The following STK3 variants were observed in gnomAD, a reference collection of about 807,000 sequenced individuals.
STK3 encodes the protein serine/threonine kinase 3, also known as serine/threonine-protein kinase 3.
STK3 carries 41 observed loss-of-function variants against 58.0 expected under a neutral mutation model. The observed-to-expected ratio is 0.71, with a 90% confidence interval of 0.55 to 0.92. STK3 has a LOEUF of 0.92. Ranked by LOEUF, STK3 falls within the 40% of genes least tolerant of loss-of-function variation. The pLI is 0.00. For missense variants in STK3, 479 were observed against 602.7 expected (o/e 0.79, Z 2.15); for synonymous variants, 170 against 191.0 (o/e 0.89, Z 0.91).
At chr8:98,528,746 C>G (rs1228696222) in intron 9 of STK3, among the ~76,000 whole-genome samples, 1 of 152,086 alleles carries the variant, frequency 6.6e-6, no homozygotes, top group Non-Finnish European at 1.5e-5. Flanking sequence ...CACCTCCCCA[C>G]AAGGGACCCT....
chr8:98,568,087 A>C (rs752970764), intron 8 of STK3, among the ~76,000 whole-genome samples: 1 of 151,972 alleles, frequency 6.6e-6, no homozygotes, highest in Non-Finnish European at 1.5e-5. Context: ...ATAGATAGAT[A>C]GATAGATAGA....
At chr8:98,427,448 G>T (rs1381232021) in intron 3 of STK3, 1 of 152,086 alleles carries the variant, frequency 6.6e-6, no homozygotes, top group Non-Finnish European at 1.5e-5. Flanking sequence ...GGGACGCGGG[G>T]GCTGCAGGCG....
At chr8:98,485,913 C>T (rs1822218199) in intron 10 of STK3, among the ~76,000 whole-genome samples, 1 of 152,152 alleles carries the variant, frequency 6.6e-6, no homozygotes, top group Admixed American at 6.5e-5. Flanking sequence ...AATAATGATG[C>T]ATGAGTTAAA....
chr8:98,664,904 TAA>T (rs777614487), intron 6 of STK3, among the ~76,000 whole-genome samples: 2 of 142,498 alleles, frequency 1.4e-5, no homozygotes, highest in Non-Finnish European at 1.5e-5. Context: ...CCGTCTCAAT[TAA>T]AAAAAAAAAA....
intron 3 of STK3, among the ~76,000 whole-genome samples, chr8:98,837,698 C>T (rs543466839): frequency 2.0e-5 from 3 of 152,166 alleles, no homozygotes; most frequent in African/African-American, 7.2e-5. Context: ...GAGGCCCAGA[C>T]GGGAGGATCC....
At chr8:98,828,797 C>T (rs1350072410), upstream of STK3, among the ~76,000 whole-genome samples, 1 of 152,160 alleles carries the variant, frequency 6.6e-6, no homozygotes, top group Non-Finnish European at 1.5e-5. Context: ...GTCCGTAGTA[C>T]CCTGTGTTGG....
At chr8:98,534,301 T>C (rs2131523413) in intron 9 of STK3, among the ~76,000 whole-genome samples, 1 of 152,304 alleles carries the variant, frequency 6.6e-6, no homozygotes, top group Admixed American at 6.5e-5. Flanking sequence ...AGACATTCTA[T>C]GAAATTTAAG....
At chr8:98,844,709 T>G (rs538230550) in intron 3 of STK3, among the ~76,000 whole-genome samples, 1 of 152,224 alleles carries the variant, frequency 6.6e-6, no homozygotes, top group African/African-American at 2.4e-5. Context: ...CAAGGTATCC[T>G]CCTGCCTCAG....
At chr8:98,574,810 A>G (rs1451916441) in intron 8 of STK3, among the ~76,000 whole-genome samples, 2 of 152,186 alleles carry the variant, frequency 1.3e-5, no homozygotes, top group Non-Finnish European at 1.5e-5. Context: ...AAAAACTCAG[A>G]GAACACAGAA....
the STK3 span, among the ~76,000 whole-genome samples, chr8:98,348,244 C>T: frequency 6.6e-6 from 1 of 152,134 alleles, no homozygotes; most frequent in African/African-American, 2.4e-5. Context: ...TTACATCCTT[C>T]ACAAACAGTA....
intron 6 of STK3, among the ~76,000 whole-genome samples, chr8:98,621,009 A>C (rs1430531358): frequency 2.0e-5 from 3 of 147,118 alleles, no homozygotes; most frequent in Non-Finnish European, 4.5e-5. Flanking sequence ...GGCTCACTGC[A>C]AGCTCCGCTT....
At chr8:98,726,310 A>C (rs1369631406) in intron 4 of STK3, among the ~76,000 whole-genome samples, 1 of 152,200 alleles carries the variant, frequency 6.6e-6, no homozygotes, top group African/African-American at 2.4e-5. Context: ...TAGTCTATGT[A>C]GGGGACTATA....
At chr8:98,505,684 A>G (rs201584191) in intron 10 of STK3, among the ~76,000 whole-genome samples, 1 of 152,156 alleles carries the variant, frequency 6.6e-6, no homozygotes, top group Non-Finnish European at 1.5e-5. Flanking sequence ...CTGCTGGAGG[A>G]CCACTCCAGA....
In STK3 at chr8:98,706,559, A is replaced by G. The variant is rs1825976146; in HGVS notation, c.592T>C (p.Tyr198His). 4 of 1,613,734 alleles carry G rather than the reference A, an allele frequency of 2.5e-6. No homozygotes were observed. Among genetic ancestry groups the G allele is most frequent in the Non-Finnish European group, 3.4e-6 (4 of 1,179,858 alleles). ...GACCAGATGTCGGCCACACAGTTAT[A>G]GCCTATTTCTTGAATCACCTCAGGA... ...MAPEVIQEIGYNCVADIWSLG... is the reference protein window; with the variant it reads ...MAPEVIQEIGHNCVADIWSLG... Residue 198 changes from tyrosine (Y) to histidine (H), a missense_variant, in exon 6 of 11, where the codon TAT (tyrosine) becomes CAT (histidine). Tyr to His is a moderately conservative substitution (Grantham distance 83). This residue lies in a region of STK3 where 126 missense variants were observed against 210.1 expected (regional missense o/e 0.60). Transcript: ENST00000419617.
Position 98,614,904 on chromosome 8 carries a change from G to T in STK3, c.685-18735C>A, listed in dbSNP as rs571248717. ...GGGGGAGGGGAGCCCGCCATTGCCC[G>T]GGCTTGCTTAGGTAAACAAAGCAGC... On this transcript the variant is annotated intron_variant, in intron 6 of 10. Transcript: ENST00000419617. Among the ~76,000 whole-genome samples the T allele has an allele frequency of 1.9e-4, 29 of 152,272 alleles. No individual in the cohort carries two copies. The East Asian group carries it at 4.6e-3, about 24-fold the overall frequency.
At chr8:98,425,287 A>C (rs1818217828) in intron 3 of STK3, among the ~76,000 whole-genome samples, 1 of 152,034 alleles carries the variant, frequency 6.6e-6, no homozygotes, top group Non-Finnish European at 1.5e-5. Context: ...GATGAAGACA[A>C]GGATAACCAA....
intron 1 of STK3, among the ~76,000 whole-genome samples, chr8:98,903,508 C>CTTG (rs1838740963): frequency 6.7e-5 from 2 of 29,960 alleles, no homozygotes; most frequent in Admixed American, 5.2e-4. Flanking sequence ...TCTTCTTCTT[C>CTTG]TTCTTCTTCT....
chr8:98,850,737 T>C (rs1836432946), intron 3 of STK3, among the ~76,000 whole-genome samples: 1 of 152,124 alleles, frequency 6.6e-6, no homozygotes, highest in Non-Finnish European at 1.5e-5. Flanking sequence ...AGAATGAGGC[T>C]GGTGAGGAGC....
At chr8:98,889,463 T>C (rs1268316086) in intron 1 of STK3, among the ~76,000 whole-genome samples, 2 of 152,212 alleles carry the variant, frequency 1.3e-5, no homozygotes, top group African/African-American at 4.8e-5. Flanking sequence ...CCTGGGGCTA[T>C]ATTTTAAACC....
Sources: allele counts gnomAD v4.1 joint callset (sites outside exome capture counted in the v4.1 genomes callset), GRCh38; gene constraint gnomAD v4.1.1; regional missense constraint gnomAD v4.1.1; transcripts MANE v1.5; gene names NCBI Gene and HGNC (gene_info 2026-07-23, HGNC 2026-07-21).